Variants in GRXCR2 observed in about 807,000 individuals in gnomAD.
GRXCR2 encodes glutaredoxin domain-containing cysteine-rich protein 2.
Under a neutral mutation model 24.8 loss-of-function variants are expected in GRXCR2, and 23 were observed. That is an observed-to-expected ratio of 0.93 (90% CI 0.67 to 1.32). The LOEUF (loss-of-function observed/expected upper bound fraction) is 1.32, where lower values mean the gene tolerates loss of function less well. GRXCR2 is among the 40% of genes most tolerant of loss of function. The probability of loss-of-function intolerance (pLI) is 0.00; values close to 1 mark genes in which losing one functional copy is unlikely to be tolerated. For synonymous variants in GRXCR2, 130 were observed against 116.1 expected, an observed-to-expected ratio of 1.12 and a Z score of -0.77; for missense variants, 315 against 303.4, an observed-to-expected ratio of 1.04 and a Z score of -0.28.
At chr5:145,875,630 C>T (rs1756601073), upstream of GRXCR2, among the ~76,000 whole-genome samples, 1 of 151,966 alleles carries the variant, frequency 6.6e-6, no homozygotes, top group Non-Finnish European at 1.5e-5. Flanking sequence ...AGAGGTGTCA[C>T]AGTTGTAAAT....
intron 2 of GRXCR2, among the ~76,000 whole-genome samples, chr5:145,888,999 C>T (rs573047959): frequency 6.6e-6 from 1 of 151,774 alleles, no homozygotes; most frequent in Non-Finnish European, 1.5e-5. Context: ...CATGGTGAAA[C>T]CCTGTCTCTA....
intron 2 of GRXCR2, among the ~76,000 whole-genome samples, chr5:145,919,054 G>C (rs750444657): frequency 1.3e-5 from 2 of 152,164 alleles, no homozygotes; most frequent in Non-Finnish European, 2.9e-5. Flanking sequence ...GCTTCACAGG[G>C]ACTGAGCATC....
At position 145,859,474 on chromosome 5, in the gene GRXCR2, C is replaced by CA. The variant is rs1223649112; in HGVS notation, c.*258dup. The CA allele has an allele frequency of 5.8e-6, 3 of 517,842 alleles. No individual in the cohort carries two copies. The allele number at this position is 517,842 out of a possible 1,614,324, so 32.1% of individuals were successfully genotyped here. A position where few individuals can be genotyped will look rare whatever the true frequency, so the allele number is the denominator to read the frequency against. On this transcript the variant is annotated 3_prime_UTR_variant, in exon 3 of 3. Transcript: ENST00000377976. ...TGAGCTAAGTCAAGTGAGATACACTCACACCATCCTGGAAGGATAATTTTA... is the reference window on the plus strand; with the variant it reads ...TGAGCTAAGTCAAGTGAGATACACTCAACACCATCCTGGAAGGATAATTTTA...
chr5:145,925,192 T>G (rs1293699360), intron 2 of GRXCR2, among the ~76,000 whole-genome samples: 1 of 152,182 alleles, frequency 6.6e-6, no homozygotes, highest in Non-Finnish European at 1.5e-5. Flanking sequence ...TAGGTCACAC[T>G]CTTATTTAAT....
chr5:145,876,189 G>GTATATATATATATATA (rs1295310846), upstream of GRXCR2, among the ~76,000 whole-genome samples: 1 of 68,446 alleles, frequency 1.5e-5, no homozygotes, highest in African/African-American at 9.5e-5. Context: ...ATGTGTGTGT[G>GTATATATATATATATA]TGTATATATA....
chr5:145,860,426 A>G (rs1756315936), intron 2 of GRXCR2, among the ~76,000 whole-genome samples: 1 of 152,178 alleles, frequency 6.6e-6, no homozygotes, highest in Non-Finnish European at 1.5e-5. Context: ...ATGGTCACAC[A>G]CACAGCTTGA....
chr5:145,892,919 C>T (rs1229939051), intron 2 of GRXCR2, among the ~76,000 whole-genome samples: 1 of 152,208 alleles, frequency 6.6e-6, no homozygotes, highest in Admixed American at 6.5e-5. Context: ...GCGCATCAGA[C>T]TAACAGTAGA....
chr5:145,916,380 G>A (rs796317951), intron 2 of GRXCR2, among the ~76,000 whole-genome samples: 12 of 152,238 alleles, frequency 7.9e-5, no homozygotes, highest in African/African-American at 2.9e-4. Flanking sequence ...TCCAGGCTGG[G>A]GAAGTGTTAT....
intron 2 of GRXCR2, among the ~76,000 whole-genome samples, chr5:145,910,411 CT>C (rs1197279813): frequency 6.6e-6 from 1 of 152,116 alleles, no homozygotes; most frequent in Non-Finnish European, 1.5e-5. Flanking sequence ...CAGAGACTTT[CT>C]TTTTCCTTCT....
rs185137447 is a variant in GRXCR2, at chr5:145,870,493, T to C, written c.336+2140A>G. Among the ~76,000 whole-genome samples the C allele has an allele frequency of 1.4e-4, 21 of 152,328 alleles. No individual in the cohort carries two copies. The East Asian group carries it at 3.7e-3, about 27-fold the overall frequency. The stretch of plus-strand genomic sequence containing the variant: ...ATCCATTCATCAGTCTATGGACATT[T>C]GGGTTCTTTCCACCTTTAGGCAATT... On this transcript the variant is annotated intron_variant, in intron 1 of 2. Coordinates refer to ENST00000377976, the MANE Select transcript of GRXCR2 (RefSeq NM_001080516.2).
chr5:145,867,648 C>T (rs1399078728), intron 1 of GRXCR2, among the ~76,000 whole-genome samples: 1 of 152,156 alleles, frequency 6.6e-6, no homozygotes, highest in African/African-American at 2.4e-5. Context: ...AGAAGACTGC[C>T]TGACTGCAGC....
At chr5:145,887,121 G>A (rs763201962) in intron 2 of GRXCR2, among the ~76,000 whole-genome samples, 19 of 152,038 alleles carry the variant, frequency 1.2e-4, no homozygotes, top group Non-Finnish European at 2.2e-4. Context: ...TTTGAGACAG[G>A]ATCTCACTCT....
chr5:145,890,981 A>G (rs1341792858), intron 2 of GRXCR2, among the ~76,000 whole-genome samples: 1 of 152,226 alleles, frequency 6.6e-6, no homozygotes, highest in Non-Finnish European at 1.5e-5. Flanking sequence ...CTATTCTTAT[A>G]TCAGATAAAA....
Position 145,882,467 on chromosome 5 carries a change from T to C in GRXCR2, c.-69-15739A>G, listed in dbSNP as rs1048707128. Among the ~76,000 whole-genome samples the C allele has an allele frequency of 5.3e-5, 8 of 152,108 alleles. No homozygotes were observed. In the South Asian group the frequency reaches 1.5e-3, roughly 28 times the overall value. ...GGAGAAATGCAAATCAAAACCACAA[T>C]GAGATACCATCTCACACCAATTAGA... On this transcript the variant is annotated intron_variant, in intron 2 of 3. Coordinates refer to the GRXCR2 transcript ENST00000639411.
chr5:145,877,748 C>T (rs1433158866), upstream of GRXCR2, among the ~76,000 whole-genome samples: 1 of 152,206 alleles, frequency 6.6e-6, no homozygotes, highest in African/African-American at 2.4e-5. Flanking sequence ...TGAGCCAAAG[C>T]AGGGCGGGGC....
intron 2 of GRXCR2, among the ~76,000 whole-genome samples, chr5:145,913,577 T>C (rs1320109720): frequency 2.6e-5 from 4 of 152,200 alleles, no homozygotes; most frequent in Non-Finnish European, 4.4e-5. Flanking sequence ...ACTTAATACA[T>C]TGCCGGAAAT....
intron 2 of GRXCR2, among the ~76,000 whole-genome samples, chr5:145,919,231 C>T (rs1757284721): frequency 6.6e-6 from 1 of 152,104 alleles, no homozygotes; most frequent in Admixed American, 6.5e-5. Flanking sequence ...CAAAACCAAC[C>T]GAACATTGCT....
At chr5:145,906,139 C>T (rs1757087769) in intron 2 of GRXCR2, among the ~76,000 whole-genome samples, 1 of 152,146 alleles carries the variant, frequency 6.6e-6, no homozygotes, top group Admixed American at 6.5e-5. Context: ...TTTCTCCCTA[C>T]AGAGGCACCC....
intron 2 of GRXCR2, among the ~76,000 whole-genome samples, chr5:145,924,537 C>A (rs961842127): frequency 6.6e-6 from 1 of 152,082 alleles, no homozygotes; most frequent in African/African-American, 2.4e-5. Context: ...CTCTACTGAA[C>A]GGAACCAAAA....
Sources: gnomAD v4.1 joint callset for allele counts (sites outside exome capture counted in the v4.1 genomes callset) on GRCh38, gnomAD v4.1.1 for gene constraint, MANE v1.5 for transcripts, NCBI Gene and HGNC (gene_info 2026-07-23, HGNC 2026-07-21) for gene names.